The following TANC2 variants were observed in gnomAD, a reference collection of about 807,000 sequenced individuals.
TANC2 encodes protein TANC2.
TANC2 carries 26 observed loss-of-function variants against 210.5 expected under a neutral mutation model. That is an observed-to-expected ratio of 0.12 (90% CI 0.09 to 0.17). The LOEUF is 0.17. Among genes scored for constraint, TANC2 ranks in the 10% least tolerant of loss-of-function variants. The pLI is 1.00. For synonymous variants in TANC2, 931 were observed against 967.1 expected (o/e 0.96, Z 0.69); for missense variants, 2,129 against 2,608.9 (o/e 0.82, Z 4.01).
At chr17:63,011,208 TG>T (rs2033856827) in intron 2 of TANC2, among the ~76,000 whole-genome samples, 1 of 151,894 alleles carries the variant, frequency 6.6e-6, no homozygotes, top group Non-Finnish European at 1.5e-5. Context: ...GAGACAAATA[TG>T]TTTTTTTTTG....
At chr17:63,157,796 C>A (rs1395278505) in intron 5 of TANC2, among the ~76,000 whole-genome samples, 1 of 152,024 alleles carries the variant, frequency 6.6e-6, no homozygotes, top group African/African-American at 2.4e-5. Flanking sequence ...GCCACCCAGG[C>A]TGGAGTGCGG....
intron 1 of TANC2, among the ~76,000 whole-genome samples, chr17:62,983,282 T>C (rs1280267941): frequency 1.3e-5 from 2 of 152,130 alleles, no homozygotes; most frequent in East Asian, 3.8e-4. Context: ...CTGATATTTG[T>C]TTGAATTCGT....
chr17:63,410,348 C>T (rs536091332), intron 21 of TANC2, among the ~76,000 whole-genome samples: 1 of 143,676 alleles, frequency 7.0e-6, no homozygotes, highest in Non-Finnish European at 1.5e-5. Context: ...CCCCCCCCCC[C>T]ATCTCCTAGT....
At chr17:63,419,872 C>A in intron 27 of TANC2, 127 bp from the exon 28 acceptor site, 2 of 1,146,582 alleles carry the variant, frequency 1.7e-6, no homozygotes, top group Non-Finnish European at 2.4e-6. Flanking sequence ...TCCAACTAAA[C>A]CGAAATACCC....
intron 7 of TANC2, among the ~76,000 whole-genome samples, chr17:63,208,653 A>AT (rs1431822611): frequency 2.6e-5 from 4 of 152,174 alleles, no homozygotes; most frequent in African/African-American, 7.2e-5. Flanking sequence ...CCAGGAATAT[A>AT]TTTTTTATCT....
intron 3 of TANC2, chr17:63,089,071 T>A (rs1020362142): frequency 2.0e-5 from 3 of 152,218 alleles, no homozygotes; most frequent in Non-Finnish European, 4.4e-5. Flanking sequence ...TTCTCATGTC[T>A]GCTATTACTA....
At chr17:63,362,057 G>A (rs1176927705) in intron 14 of TANC2, among the ~76,000 whole-genome samples, 4 of 152,300 alleles carry the variant, frequency 2.6e-5, no homozygotes, top group Non-Finnish European at 4.4e-5. Context: ...TCAGCAGAGA[G>A]GAGACCTGGA....
At chr17:63,042,909 A>G (rs2035245381) in intron 2 of TANC2, among the ~76,000 whole-genome samples, 1 of 152,088 alleles carries the variant, frequency 6.6e-6, no homozygotes. Flanking sequence ...GAAGACATAG[A>G]GTAACTGGAA....
intron 9 of TANC2, among the ~76,000 whole-genome samples, chr17:63,304,650 C>T (rs1450839084): frequency 6.6e-6 from 1 of 152,168 alleles, no homozygotes; most frequent in African/African-American, 2.4e-5. Flanking sequence ...GGGGCCTTGT[C>T]TGGGCTCCCT....
chr17:63,117,508 A>T, intron 4 of TANC2, among the ~76,000 whole-genome samples: 1 of 152,332 alleles, frequency 6.6e-6, no homozygotes, highest in East Asian at 1.9e-4. Context: ...GAAGCAGGTG[A>T]TGTTGTTAGG....
intron 5 of TANC2, among the ~76,000 whole-genome samples, chr17:63,159,848 C>T (rs2039965298): frequency 6.6e-6 from 1 of 152,146 alleles, no homozygotes; most frequent in African/African-American, 2.4e-5. Context: ...GTATTTTATT[C>T]ATCTGCTCAA....
chr17:63,169,992 G>T (rs9905535), intron 5 of TANC2, among the ~76,000 whole-genome samples: 1 of 147,920 alleles, frequency 6.8e-6, no homozygotes, highest in Non-Finnish European at 1.5e-5. Flanking sequence ...GGTGGCAGGT[G>T]CCTGTAGTCC....
At chr17:63,315,195 G>T (rs1266097120) in intron 10 of TANC2, among the ~76,000 whole-genome samples, 1 of 152,046 alleles carries the variant, frequency 6.6e-6, no homozygotes, top group Non-Finnish European at 1.5e-5. Context: ...CACAACCAGG[G>T]GGCAGCCCAG....
chr17:63,038,791 A>G (rs1232309750), intron 2 of TANC2, among the ~76,000 whole-genome samples: 3 of 152,202 alleles, frequency 2.0e-5, no homozygotes, highest in African/African-American at 7.2e-5. Flanking sequence ...GCTGTGCTAT[A>G]GAATAACTTT....
At chr17:63,248,581 C>T (rs553053288) in intron 8 of TANC2, among the ~76,000 whole-genome samples, 3 of 152,154 alleles carry the variant, frequency 2.0e-5, no homozygotes, top group Admixed American at 1.3e-4. Context: ...ATGGTCCTTG[C>T]CATGATACAG....
chr17:63,032,804 A>C (rs1431345397), intron 2 of TANC2, among the ~76,000 whole-genome samples: 1 of 152,118 alleles, frequency 6.6e-6, no homozygotes, highest in Non-Finnish European at 1.5e-5. Context: ...TGAGTATCCT[A>C]CAATTTAATT....
intron 14 of TANC2, among the ~76,000 whole-genome samples, chr17:63,357,119 G>C (rs2046803829): frequency 1.3e-5 from 2 of 152,156 alleles, no homozygotes; most frequent in African/African-American, 4.8e-5. Context: ...TTAATACAAA[G>C]AACTGGCAAC....
At chr17:63,116,328 A>G (rs939771233) in intron 4 of TANC2, among the ~76,000 whole-genome samples, 6 of 152,228 alleles carry the variant, frequency 3.9e-5, no homozygotes, top group Non-Finnish European at 8.8e-5. Context: ...AATTCTATGC[A>G]TTGGTGCTTT....
At chr17:63,070,730 T>G (rs995373849) in intron 2 of TANC2, among the ~76,000 whole-genome samples, 13 of 152,180 alleles carry the variant, frequency 8.5e-5, no homozygotes, top group Admixed American at 5.2e-4. Flanking sequence ...AATGAAAATT[T>G]TAGTGTCCAT....
Sources: gnomAD v4.1 joint callset for allele counts (sites outside exome capture counted in the v4.1 genomes callset) on GRCh38, gnomAD v4.1.1 for gene constraint, MANE v1.5 for transcripts, NCBI Gene and HGNC (gene_info 2026-07-23, HGNC 2026-07-21) for gene names.